The following FER variants were observed in gnomAD, a reference collection of about 807,000 sequenced individuals.
FER encodes FER tyrosine kinase.
FER carries 63 observed loss-of-function variants against 111.0 expected under a neutral mutation model. That is an observed-to-expected ratio of 0.57 (90% confidence interval 0.46 to 0.70). FER has a LOEUF of 0.70. Among genes scored for constraint, FER ranks in the 30% least tolerant of loss-of-function variants. The pLI is 0.00. For missense variants in FER, 914 were observed against 954.0 expected (o/e 0.96, Z 0.55); for synonymous variants, 327 against 313.9 (o/e 1.04, Z -0.44).
chr5:108,975,557 T>C (rs1425875730), intron 13 of FER, among the ~76,000 whole-genome samples: 2 of 152,110 alleles, frequency 1.3e-5, no homozygotes, highest in Non-Finnish European at 2.9e-5. Context: ...GGTTTGATCT[T>C]TGGGGGCAAC....
intron 16 of FER, among the ~76,000 whole-genome samples, chr5:109,096,606 C>CA (rs988277575): frequency 2.6e-5 from 4 of 151,836 alleles, no homozygotes; most frequent in African/African-American, 9.7e-5. Context: ...GCACTTCTCT[C>CA]AAAAAATAGT....
chr5:109,124,683 C>T (rs1338548068), intron 17 of FER, among the ~76,000 whole-genome samples: 1 of 151,834 alleles, frequency 6.6e-6, no homozygotes, highest in Non-Finnish European at 1.5e-5. Flanking sequence ...TGACTCTGGG[C>T]CAGTTATTTA....
intron 2 of FER, among the ~76,000 whole-genome samples, chr5:108,777,898 C>T (rs1018809632): frequency 2.6e-5 from 4 of 152,178 alleles, no homozygotes; most frequent in Non-Finnish European, 5.9e-5. Context: ...GACCCACCCC[C>T]ATGATTCAGT....
chr5:108,801,785 C>A (rs1170998388), intron 3 of FER, among the ~76,000 whole-genome samples: 21 of 152,264 alleles, frequency 1.4e-4, no homozygotes, highest in Admixed American at 2.0e-4. Flanking sequence ...AAAGGAGACA[C>A]TTTCTGTCTT....
At chr5:109,006,829 GA>G (rs905494103) in intron 13 of FER, among the ~76,000 whole-genome samples, 22 of 151,452 alleles carry the variant, frequency 1.5e-4, no homozygotes, top group African/African-American at 2.9e-4. Context: ...ATGGTGGGGG[GA>G]AAAAAAATCT....
At chr5:109,100,045 A>G (rs546377727) in intron 16 of FER, among the ~76,000 whole-genome samples, 1 of 151,724 alleles carries the variant, frequency 6.6e-6, no homozygotes, top group Non-Finnish European at 1.5e-5. Context: ...TATAGTTTTC[A>G]TGTGGTATTA....
At chr5:108,963,378 C>CA (rs1561685222) in intron 13 of FER, among the ~76,000 whole-genome samples, 1 of 151,870 alleles carries the variant, frequency 6.6e-6, no homozygotes, top group East Asian at 1.9e-4. Context: ...GCCTGACTAA[C>CA]AAGTGAAACC....
chr5:108,844,162 A>ATGTGTGTGAACATATATGTG (rs1561500938), intron 5 of FER, among the ~76,000 whole-genome samples: 2 of 96,728 alleles, frequency 2.1e-5, no homozygotes, highest in African/African-American at 9.2e-5. Context: ...GAACATATAT[A>ATGTGTGTGAACATATATGTG]TGTGTGAACA....
chr5:108,939,058 C>A (rs929805559), intron 10 of FER, among the ~76,000 whole-genome samples: 5 of 152,000 alleles, frequency 3.3e-5, no homozygotes, highest in African/African-American at 1.2e-4. Context: ...ACTACAGAAG[C>A]TTTTGTACTA....
At chr5:108,837,652 A>G (rs1760809717) in intron 5 of FER, among the ~76,000 whole-genome samples, 1 of 152,186 alleles carries the variant, frequency 6.6e-6, no homozygotes, top group Non-Finnish European at 1.5e-5. Context: ...CAAGTCTTTG[A>G]TATCTGTTTT....
At chr5:108,933,579 TCATTTTTGGTTC>T (rs1351788610) in intron 10 of FER, among the ~76,000 whole-genome samples, 6 of 152,206 alleles carry the variant, frequency 3.9e-5, no homozygotes, top group African/African-American at 1.4e-4. Flanking sequence ...CTGTATAGGC[TCATTTTTGGTTC>T]CATATGAAAT....
At chr5:109,152,173 A>G (rs573791472) in intron 17 of FER, among the ~76,000 whole-genome samples, 1 of 152,214 alleles carries the variant, frequency 6.6e-6, no homozygotes, top group South Asian at 2.1e-4. Context: ...TCTTTCTGCC[A>G]TAGCTGCCAA....
intron 5 of FER, among the ~76,000 whole-genome samples, chr5:108,856,896 C>G (rs766791410): frequency 1.3e-4 from 19 of 151,974 alleles, no homozygotes; most frequent in Non-Finnish European, 2.5e-4. Flanking sequence ...ATTTAAAGAA[C>G]AAATTGTTGA....
intron 13 of FER, among the ~76,000 whole-genome samples, chr5:109,011,533 C>T (rs1426438971): frequency 1.3e-5 from 2 of 152,134 alleles, no homozygotes; most frequent in African/African-American, 4.8e-5. Flanking sequence ...TTTCCTTTAA[C>T]TTCTTGGACT....
chr5:108,911,034 A>G (rs1048729847), intron 10 of FER, among the ~76,000 whole-genome samples: 1 of 152,068 alleles, frequency 6.6e-6, no homozygotes, highest in Non-Finnish European at 1.5e-5. Flanking sequence ...TAGTTCTTTG[A>G]AAAATTCTCC....
intron 10 of FER, among the ~76,000 whole-genome samples, chr5:108,909,906 T>A (rs964418263): frequency 1.6e-4 from 24 of 151,808 alleles, no homozygotes; most frequent in Admixed American, 3.3e-4. Context: ...AAATTTCAGA[T>A]GTATTAAATA....
chr5:109,105,706 T>A (rs1748832958), intron 17 of FER, among the ~76,000 whole-genome samples: 1 of 152,110 alleles, frequency 6.6e-6, no homozygotes, highest in Admixed American at 6.6e-5. Context: ...TTCCTGTAAT[T>A]CCAGTGCCAG....
At chr5:109,120,416 G>C (rs1040584923) in intron 17 of FER, among the ~76,000 whole-genome samples, 2 of 151,948 alleles carry the variant, frequency 1.3e-5, no homozygotes, top group African/African-American at 4.8e-5. Context: ...GTAGATGTAT[G>C]GATTTGTTTC....
intron 1 of FER, among the ~76,000 whole-genome samples, chr5:108,750,615 C>T (rs1750373609): frequency 6.6e-6 from 1 of 152,220 alleles, no homozygotes; most frequent in South Asian, 2.1e-4. Context: ...GCAGCTTCTG[C>T]ACTGCTTCAA....
Sources: allele counts gnomAD v4.1 joint callset (sites outside exome capture counted in the v4.1 genomes callset), GRCh38; gene constraint gnomAD v4.1.1; transcripts MANE v1.5; gene names NCBI Gene and HGNC (gene_info 2026-07-23, HGNC 2026-07-21).